Variants in SNED1 observed in about 807,000 individuals in gnomAD.
SNED1 encodes sushi, nidogen and EGF-like domain-containing protein 1.
SNED1 carries 81 observed loss-of-function variants against 166.7 expected under a neutral mutation model. The ratio of observed to expected loss-of-function variants is 0.49; its 90% CI spans 0.41 to 0.58. SNED1 has a LOEUF of 0.58. Among genes scored for constraint, SNED1 ranks in the 20% least tolerant of loss-of-function variants. SNED1 has a pLI of 0.00. For synonymous variants in SNED1, 762 were observed against 822.0 expected (o/e 0.93, Z 1.25); for missense variants, 1,604 against 2,000.2 (o/e 0.80, Z 3.78).
At chr2:241,056,094 A>T (rs2062032228) in intron 16 of SNED1, among the ~76,000 whole-genome samples, 1 of 150,370 alleles carries the variant, frequency 6.7e-6, no homozygotes, top group Admixed American at 6.6e-5. Context: ...ATAGAAAAAG[A>T]CCTTATGGAT....
intron 15 of SNED1, 149 bp from the exon 16 acceptor site, chr2:241,053,004 C>T: frequency 1.4e-6 from 1 of 711,748 alleles, no homozygotes; most frequent in Non-Finnish European, 2.3e-6. Flanking sequence ...GGCAACCAGG[C>T]CCCAGAAGTC....
At position 241,005,096 on chromosome 2, in the gene SNED1, A is replaced by G. The variant is rs183511117; in HGVS notation, c.213+6046A>G. Among the ~76,000 whole-genome samples, 27 of 151,972 alleles carry G rather than the reference A, an allele frequency of 1.8e-4. No individual in the cohort carries two copies. In the East Asian group the frequency reaches 4.8e-3, roughly 27 times the overall value. On this transcript the variant is annotated intron_variant, in intron 1 of 31. Coordinates refer to ENST00000310397, the MANE Select transcript of SNED1 (RefSeq NM_001080437.3). ...TAGAAAGTCTTTTATATTTACCCACATATTTACTATTTCCAGTCTTCTTCA... is the reference window on the plus strand; with the variant it reads ...TAGAAAGTCTTTTATATTTACCCACGTATTTACTATTTCCAGTCTTCTTCA...
At chr2:241,058,879 G>A (rs921681432) in intron 16 of SNED1, among the ~76,000 whole-genome samples, 1 of 152,138 alleles carries the variant, frequency 6.6e-6, no homozygotes, top group African/African-American at 2.4e-5. Flanking sequence ...GAACCTGGGA[G>A]GCGGAGCTTG....
chr2:241,059,814 C>T (rs1377214106), intron 16 of SNED1, among the ~76,000 whole-genome samples: 1 of 152,182 alleles, frequency 6.6e-6, no homozygotes, highest in Admixed American at 6.5e-5. Context: ...TACCAGTGTA[C>T]TCAGTGGTGA....
intron 27 of SNED1, among the ~76,000 whole-genome samples, chr2:241,079,411 CAAAA>C (rs757361914): frequency 1.3e-5 from 1 of 74,446 alleles, no homozygotes. Context: ...GACTCCATCT[CAAAA>C]AAAAAAAAAA....
intron 1 of SNED1, among the ~76,000 whole-genome samples, chr2:241,008,962 T>C (rs2060303991): frequency 6.6e-6 from 1 of 152,216 alleles, no homozygotes; most frequent in African/African-American, 2.4e-5. Context: ...AAACATTTCC[T>C]GCCATCAGCT....
In SNED1 at chr2:241,030,487, C is replaced by G; in HGVS notation, c.417C>G (p.Pro139=). 2 of 1,613,938 alleles carry G rather than the reference C, an allele frequency of 1.2e-6. No individual in the cohort carries two copies. Among genetic ancestry groups the G allele is most frequent in the Non-Finnish European group, 1.7e-6 (2 of 1,179,888 alleles). The change falls in exon 2 of 32, where the codon CCC becomes CCG. Residue 139 remains proline (P), a synonymous_variant. Transcript: ENST00000310397. Reference sequence around the variant, plus strand: ...CGGAGGACGTCAGGCACTACTTCCCCGAGCTCCTGGACTTCAATGCCACCT... The same window carrying G: ...CGGAGGACGTCAGGCACTACTTCCCGGAGCTCCTGGACTTCAATGCCACCT... ...RATEDVRHYF[P]ELLDFNATWV...
chr2:240,997,753 A>C (rs920891570), upstream of SNED1, among the ~76,000 whole-genome samples: 9 of 152,160 alleles, frequency 5.9e-5, no homozygotes, highest in Non-Finnish European at 1.0e-4. Flanking sequence ...AACACCACCC[A>C]ACACCAGGAT....
intron 1 of SNED1, chr2:241,010,359 A>C (rs1164397435): frequency 1.3e-5 from 2 of 152,216 alleles, no homozygotes; most frequent in East Asian, 3.9e-4. Flanking sequence ...CTTTCATCCA[A>C]GTCGGAAATG....
At chr2:241,057,098 G>A (rs536139118) in intron 16 of SNED1, among the ~76,000 whole-genome samples, 1 of 152,142 alleles carries the variant, frequency 6.6e-6, no homozygotes, top group South Asian at 2.1e-4. Context: ...ATTGAAATAG[G>A]TTGGGTGCAG....
chr2:241,083,822 T>A (rs1004235367), intron 29 of SNED1, among the ~76,000 whole-genome samples: 1 of 152,132 alleles, frequency 6.6e-6, no homozygotes, highest in Admixed American at 6.5e-5. Context: ...AGTCTGACAG[T>A]CTGGTTTTTA....
intron 29 of SNED1, among the ~76,000 whole-genome samples, chr2:241,083,673 G>T (rs2063440538): frequency 6.6e-6 from 1 of 152,178 alleles, no homozygotes; most frequent in African/African-American, 2.4e-5. Context: ...TTACACCAGT[G>T]CCTGCTGGTG....
chr2:241,078,453 C>T (rs58581774), intron 27 of SNED1, among the ~76,000 whole-genome samples: 50,987 of 150,956 alleles, frequency 0.34, 9,436 homozygotes, highest in African/African-American at 0.46. Context: ...CAATGGAACA[C>T]GATTCAACCA....
At chr2:241,040,506 T>C (rs2125042339) in intron 8 of SNED1, 93 bp downstream of exon 8, 1 of 779,354 alleles carries the variant, frequency 1.3e-6, no homozygotes, top group Non-Finnish European at 2.0e-6. Context: ...TTCCTTGCCA[T>C]CTGACTCACC....
At chr2:241,012,957 T>C (rs2124824473) in intron 1 of SNED1, among the ~76,000 whole-genome samples, 1 of 151,640 alleles carries the variant, frequency 6.6e-6, no homozygotes, top group East Asian at 2.0e-4. Flanking sequence ...TGCCTCAGCC[T>C]CCCGAGTAGC....
chr2:241,071,563 G>A lies in SNED1; in HGVS notation c.3590-13G>A, dbSNP rs2062719468. On this transcript the variant is annotated splice_polypyrimidine_tract_variant and intron_variant, in intron 24 of 31. Transcript: ENST00000310397. ...AGCCCCAGACCAGCCCCTTCCTCCT[G>A]CCTGCTCTGCAGCCCCCAGGGATGG... is the stretch of plus-strand genomic sequence containing the variant. The A allele has an allele frequency of 1.9e-6, 3 of 1,574,720 alleles. No individual in the cohort carries two copies. The highest frequency in any genetic ancestry group is 2.6e-6 in the Non-Finnish European group (3 of 1,168,286).
Position 241,064,171 on chromosome 2 carries a change from CCCCGCCCTCTGCCCGCCTGCTG to C in SNED1, c.2599+68_2599+89del, listed in dbSNP as rs755649780. On this transcript the variant is annotated intron_variant, in intron 19 of 31. Transcript: ENST00000310397. This position sits in a 1 kb window ranked among gnomAD's most constrained non-coding sequence, Gnocchi z 7.0. ...GCTCCCCGCCCTCTGCCCGCCTGCT[CCCCGCCCTCTGCCCGCCTGCTG>C]CCCGCCCTCTGCCCGCCTGCTCCCC... 157 of 1,311,530 alleles carry C rather than the reference CCCCGCCCTCTGCCCGCCTGCTG, an allele frequency of 1.2e-4. 1 individual carries two copies. In the East Asian group the frequency reaches 1.5e-3, roughly 12 times the overall value. 81.2% of individuals were successfully genotyped at this position (1,311,530 alleles called of 1,614,324 possible).
chr2:241,071,697 C>CCG lies in SNED1; in HGVS notation c.3711_3712insCG (p.Glu1238ArgfsTer20). 1 of 1,521,354 alleles carries CCG rather than the reference C, an allele frequency of 6.6e-7. No homozygotes were observed. The highest frequency in any genetic ancestry group is 8.8e-7 in the Non-Finnish European group (1 of 1,131,934). The allele number at this position is 1,521,354 out of a possible 1,614,324, so 94.2% of individuals were successfully genotyped here. ...GCCTGCTCAATGACCACAGCGCCCCCGAGACCCCCACCCAGCCCCCCAGGT... is the reference window on the plus strand; with the variant it reads ...GCCTGCTCAATGACCACAGCGCCCCCCGGAGACCCCCACCCAGCCCCCCAGGT... On this transcript the variant is annotated frameshift_variant, in exon 25 of 32. Coordinates refer to ENST00000310397, the MANE Select transcript of SNED1 (RefSeq NM_001080437.3). LOFTEE classifies it high-confidence loss of function.
chr2:241,009,724 G>C (rs2060328915), intron 1 of SNED1, among the ~76,000 whole-genome samples: 1 of 152,134 alleles, frequency 6.6e-6, no homozygotes, highest in Non-Finnish European at 1.5e-5. Flanking sequence ...CCTCCAGGAA[G>C]TCACCCTGGC....
Sources: gnomAD v4.1 joint callset for allele counts (sites outside exome capture counted in the v4.1 genomes callset) on GRCh38, gnomAD v4.1.1 for gene constraint, Gnocchi (gnomAD v3.1) non-coding constraint, MANE v1.5 for transcripts, NCBI Gene and HGNC (gene_info 2026-07-23, HGNC 2026-07-21) for gene names.